The following TMEM150C variants were observed in gnomAD, a reference collection of about 807,000 sequenced individuals.
The protein encoded by TMEM150C is tentonin 3.
In TMEM150C, 10 loss-of-function variants were observed where a neutral mutation model predicts 29.9. The ratio of observed to expected loss-of-function variants is 0.33; its 90% CI spans 0.21 to 0.57. The LOEUF is 0.57. Among genes scored for constraint, TMEM150C ranks in the 20% least tolerant of loss-of-function variants. TMEM150C has a pLI of 0.88. For missense variants in TMEM150C, 251 were observed against 303.6 expected (o/e 0.83, Z 1.29); for synonymous variants, 101 against 112.5 (o/e 0.90, Z 0.64).
At chr4:82,529,311 CAG>C (rs1309859343) in intron 1 of TMEM150C, among the ~76,000 whole-genome samples, 6 of 134,662 alleles carry the variant, frequency 4.5e-5, no homozygotes, top group African/African-American at 1.7e-4. Flanking sequence ...TTTTTTGAGA[CAG>C]AGTCTTGCTC....
intron 1 of TMEM150C, among the ~76,000 whole-genome samples, chr4:82,537,019 C>T (rs188313391): frequency 3.0e-4 from 45 of 152,226 alleles, no homozygotes; most frequent in African/African-American, 1.1e-3. Flanking sequence ...TCTCACTCTG[C>T]CGCCCAGGCT....
chr4:82,541,023 A>T (rs1208817345), intron 1 of TMEM150C, among the ~76,000 whole-genome samples: 1 of 152,094 alleles, frequency 6.6e-6, no homozygotes, highest in Non-Finnish European at 1.5e-5. Context: ...ACTCCAATTT[A>T]TTTATTTTTG....
intron 7 of TMEM150C, among the ~76,000 whole-genome samples, chr4:82,487,095 A>G (rs1308669786): frequency 3.3e-5 from 5 of 152,166 alleles, no homozygotes; most frequent in African/African-American, 1.2e-4. Context: ...AACCAAAGAA[A>G]AAAAAAAGAT....
chr4:82,490,992 TC>T, intron 6 of TMEM150C: 2 of 739,034 alleles, frequency 2.7e-6, no homozygotes, highest in Non-Finnish European at 5.0e-6. Context: ...AGCTCCTTTG[TC>T]TTCCAAGTTA....
At chr4:82,487,208 G>A (rs1254647814) in intron 7 of TMEM150C, among the ~76,000 whole-genome samples, 1 of 152,086 alleles carries the variant, frequency 6.6e-6, no homozygotes, top group African/African-American at 2.4e-5. Context: ...CAACACTTTG[G>A]GAGGCCGAGG....
chr4:82,540,840 C>A (rs1725177054), intron 1 of TMEM150C, among the ~76,000 whole-genome samples: 1 of 152,148 alleles, frequency 6.6e-6, no homozygotes, highest in Admixed American at 6.6e-5. Flanking sequence ...GGTGAGAACA[C>A]TTAAAATCTA....
intron 1 of TMEM150C, among the ~76,000 whole-genome samples, chr4:82,527,503 C>T (rs1480196976): frequency 6.6e-6 from 1 of 152,108 alleles, no homozygotes; most frequent in Non-Finnish European, 1.5e-5. Context: ...CGAAAGGTAC[C>T]CTCTTTCTGC....
intron 1 of TMEM150C, 137 bp downstream of exon 1, chr4:82,561,769 C>T (rs901506766): frequency 3.3e-6 from 2 of 605,890 alleles, no homozygotes; most frequent in Non-Finnish European, 4.1e-6. Context: ...GCCCCGCAGC[C>T]GGGCGGACCC....
chr4:82,515,736 C>CA (rs557328249), intron 1 of TMEM150C, among the ~76,000 whole-genome samples: 271 of 115,122 alleles, frequency 2.4e-3, no homozygotes, highest in East Asian at 7.7e-3. Flanking sequence ...GACTCTATCT[C>CA]AAAAAAAAAA....
chr4:82,544,050 G>A (rs985689994), intron 1 of TMEM150C, among the ~76,000 whole-genome samples: 4 of 152,142 alleles, frequency 2.6e-5, no homozygotes, highest in African/African-American at 4.8e-5. Flanking sequence ...CCACTATTAC[G>A]AACGATCGGA....
rs894876643 is a variant in TMEM150C at position 82,541,150 on chromosome 4, T to C, written c.-11+20756A>G. Reference sequence around the variant, plus strand: ...GCTTAGTAAGGATGATTTATATACTTTCCTTAGCAAGGAAATCCTTAGTAA... The same window carrying C: ...GCTTAGTAAGGATGATTTATATACTCTCCTTAGCAAGGAAATCCTTAGTAA... On this transcript the variant is annotated intron_variant, in intron 1 of 7. Transcript: ENST00000449862. 5.9e-5 allele frequency among the ~76,000 whole-genome samples: 9 copies of C among 152,208 alleles called. No individual in the cohort carries two copies. In the East Asian group the frequency reaches 1.7e-3, roughly 29 times the overall value.
intron 1 of TMEM150C, among the ~76,000 whole-genome samples, chr4:82,514,845 G>T (rs561020950): frequency 6.6e-6 from 1 of 152,176 alleles, no homozygotes; most frequent in South Asian, 2.1e-4. Flanking sequence ...GTTATCATGA[G>T]CCCCTTCGCC....
chr4:82,561,724 C>T (rs1306187995), intron 1 of TMEM150C, among the ~76,000 whole-genome samples, 182 bp downstream of exon 1: 2 of 147,122 alleles, frequency 1.4e-5, no homozygotes, highest in Non-Finnish European at 3.0e-5. Context: ...GCCCCGCGCC[C>T]GGGACGCTAT....
intron 1 of TMEM150C, among the ~76,000 whole-genome samples, chr4:82,544,042 A>G (rs1175195019): frequency 6.6e-6 from 1 of 152,186 alleles, no homozygotes; most frequent in Non-Finnish European, 1.5e-5. Context: ...AGTGTGAACC[A>G]CTATTACGAA....
At chr4:82,522,000 C>G (rs1375044827) in intron 1 of TMEM150C, among the ~76,000 whole-genome samples, 38 of 152,032 alleles carry the variant, frequency 2.5e-4, no homozygotes, top group Admixed American at 2.5e-3. Flanking sequence ...GAGGTCGAGG[C>G]TGCAGTGAGC....
rs1214842572 is a variant in TMEM150C at position 82,543,077 on chromosome 4, T to C, written c.-11+18829A>G. Among the ~76,000 whole-genome samples, 4 of 152,196 alleles carry C rather than the reference T, an allele frequency of 2.6e-5. No homozygotes were observed. In the East Asian group the frequency reaches 7.7e-4, roughly 29 times the overall value. ...AGGTACTAGCATCCACTTTTACAGATGCACAAAAGTAATAACCTGTCCAAC... is the reference window on the plus strand; with the variant it reads ...AGGTACTAGCATCCACTTTTACAGACGCACAAAAGTAATAACCTGTCCAAC... On this transcript the variant is annotated intron_variant, in intron 1 of 7. Transcript: ENST00000449862.
intron 6 of TMEM150C, 39 bp downstream of exon 6, chr4:82,496,029 C>G: frequency 6.2e-7 from 1 of 1,612,986 alleles, no homozygotes. Flanking sequence ...GAAGGTCTTA[C>G]CAGTGTCAGA....
intron 1 of TMEM150C, among the ~76,000 whole-genome samples, chr4:82,525,337 T>C (rs1724618244): frequency 6.6e-6 from 1 of 152,236 alleles, no homozygotes; most frequent in Admixed American, 6.5e-5. Flanking sequence ...TCTGAGAATC[T>C]GATCCATGCT....
rs374631903 is a variant in TMEM150C at position 82,502,823 on chromosome 4, A to G, written c.168-29T>C. On this transcript the variant is annotated intron_variant, in intron 4 of 7. Coordinates refer to ENST00000449862, the MANE Select transcript of TMEM150C (RefSeq NM_001080506.3). Reference sequence around the variant, plus strand: ...GAAAAAGATGAAATGTTTTATAGTTACTATATCAAAATCTATAATCCTCCT... The same window carrying G: ...GAAAAAGATGAAATGTTTTATAGTTGCTATATCAAAATCTATAATCCTCCT... 5.5e-5 allele frequency: 88 copies of G among 1,588,734 alleles called. No homozygotes were observed. In the African/African-American group the frequency reaches 1.0e-3, roughly 19 times the overall value.
Sources: gnomAD v4.1 joint callset for allele counts (sites outside exome capture counted in the v4.1 genomes callset) on GRCh38, gnomAD v4.1.1 for gene constraint, MANE v1.5 for transcripts, NCBI Gene and HGNC (gene_info 2026-07-23, HGNC 2026-07-21) for gene names.